The following NCOA1 variants were observed in gnomAD, a reference collection of about 807,000 sequenced individuals.
NCOA1 encodes the protein Hin-2 protein.
A neutral mutation model predicts 150.9 loss-of-function variants in NCOA1; 35 were observed. The ratio of observed to expected loss-of-function variants is 0.23; its 90% CI spans 0.18 to 0.31. The LOEUF (loss-of-function observed/expected upper bound fraction) is 0.31, where lower values mean the gene tolerates loss of function less well. NCOA1 is among the 10% of genes least tolerant of loss of function. The pLI is 1.00. For missense variants in NCOA1, 1,491 were observed against 1,749.3 expected (o/e 0.85, Z 2.63); for synonymous variants, 590 against 630.0 (o/e 0.94, Z 0.95).
At chr2:24,660,902 A>G (rs1278428038) in intron 5 of NCOA1, among the ~76,000 whole-genome samples, 2 of 147,552 alleles carry the variant, frequency 1.4e-5, no homozygotes, top group East Asian at 2.0e-4. Flanking sequence ...TCTATTTAAG[A>G]AAAAAAAAAA....
chr2:24,713,510 G>T (rs900852805), intron 14 of NCOA1, among the ~76,000 whole-genome samples: 1 of 152,134 alleles, frequency 6.6e-6, no homozygotes, highest in Non-Finnish European at 1.5e-5. Context: ...ATTTTCAAAG[G>T]TAATATTGGA....
intron 3 of NCOA1, among the ~76,000 whole-genome samples, chr2:24,637,022 C>G (rs983775418): frequency 6.6e-6 from 1 of 150,850 alleles, no homozygotes; most frequent in Non-Finnish European, 1.5e-5. Context: ...TTATTAATAG[C>G]GTATCCCTCA....
chr2:24,729,479 A>G (rs1662876492), intron 16 of NCOA1, 22 bp from the exon 17 acceptor site: 2 of 1,593,270 alleles, frequency 1.3e-6, no homozygotes, highest in African/African-American at 1.3e-5. Context: ...TTTGTAAAAT[A>G]TTCTGGCTTC....
chr2:24,571,100 T>C (rs1436354648), intron 2 of NCOA1, among the ~76,000 whole-genome samples: 1 of 152,106 alleles, frequency 6.6e-6, no homozygotes, highest in Non-Finnish European at 1.5e-5. Context: ...TAACGAAAGA[T>C]ATGCCTGGGC....
intron 20 of NCOA1, among the ~76,000 whole-genome samples, chr2:24,756,071 TA>T (rs369987098): frequency 0.013 from 1,434 of 108,136 alleles, 37 homozygotes; most frequent in African/African-American, 0.051. Flanking sequence ...CCATCTCTAC[TA>T]AAAAAAAAAA....
chr2:24,587,117 A>G (rs1028322913), intron 3 of NCOA1, among the ~76,000 whole-genome samples: 17 of 151,174 alleles, frequency 1.1e-4, no homozygotes, highest in African/African-American at 3.9e-4. Context: ...AAAAAAAAAG[A>G]AACTGGGAAC....
chr2:24,499,308 T>TA (rs909052790), intron 1 of NCOA1, among the ~76,000 whole-genome samples: 80 of 151,824 alleles, frequency 5.3e-4, no homozygotes, highest in African/African-American at 1.3e-3. Context: ...CCATCAACCT[T>TA]AAAAAAAAAT....
At chr2:24,546,624 G>T (rs1665615377) in intron 1 of NCOA1, among the ~76,000 whole-genome samples, 1 of 152,190 alleles carries the variant, frequency 6.6e-6, no homozygotes, top group African/African-American at 2.4e-5. Flanking sequence ...TTTGTAATTT[G>T]CTGATATCAC....
In NCOA1 at chr2:24,706,829, T is replaced by C. The variant is rs759382407; in HGVS notation, c.1359T>C (p.Val453=). The change falls in exon 13 of 23, where the codon GTT becomes GTC. Residue 453 remains valine (V), a synonymous_variant. Coordinates refer to ENST00000348332, the MANE Select transcript of NCOA1 (RefSeq NM_003743.5). The part of the protein sequence containing the change: ...CSPGSQIVAN[V]ALNQGQASSQ... ...CCGGAAGTCAGATTGTAGCCAATGT[T>C]GCCTTAAACCAAGGACAGGCCAGTT... is the stretch of plus-strand genomic sequence containing the variant. 6.2e-7 allele frequency: 1 copy of C among 1,614,200 alleles called. No homozygotes were observed. The highest frequency in any genetic ancestry group is 1.1e-5 in the South Asian group (1 of 91,076).
chr2:24,631,382 A>T (rs1669702475), intron 3 of NCOA1, among the ~76,000 whole-genome samples: 1 of 152,174 alleles, frequency 6.6e-6, no homozygotes, highest in Admixed American at 6.5e-5. Context: ...GCCACGTTAT[A>T]ATAATCTTGA....
chr2:24,570,111 G>A (rs1463454409), intron 2 of NCOA1, among the ~76,000 whole-genome samples: 3 of 144,560 alleles, frequency 2.1e-5, no homozygotes, highest in Non-Finnish European at 4.5e-5. Context: ...TCAGTGAGAA[G>A]TCTTGCTATA....
chr2:24,696,876 T>TTA (rs149575496), intron 10 of NCOA1, among the ~76,000 whole-genome samples: 252 of 151,276 alleles, frequency 1.7e-3, no homozygotes, highest in Non-Finnish European at 2.0e-3. Flanking sequence ...AATTCTTAAT[T>TTA]TATATATATA....
chr2:24,516,413 CG>C (rs1558757818), intron 1 of NCOA1, among the ~76,000 whole-genome samples: 1 of 151,258 alleles, frequency 6.6e-6, no homozygotes, highest in African/African-American at 2.4e-5. Context: ...AGGATGGTCT[CG>C]ATCTCCTGAT....
chr2:24,658,732 A>T lies in NCOA1; in HGVS notation c.55A>T (p.Arg19Trp). ...SDPANPDSHK[R>W]KGSPCDTLAS... ...CCCTGCTAACCCAGACTCACATAAG[A>T]GGAAAGGATCGCCATGTGACACACT... The change falls in exon 5 of 23, where the codon AGG becomes TGG. Residue 19 changes from arginine (R) to tryptophan (W), a missense_variant. By Grantham distance (101) the Arg-to-Trp change is moderately radical (BLOSUM62 -3). Transcript: ENST00000348332. The T allele has an allele frequency of 6.2e-7, 1 of 1,614,070 alleles. No homozygotes were observed. The highest frequency in any genetic ancestry group is 1.7e-4 in the Middle Eastern group (1 of 6,060).
At chr2:24,514,656 G>C (rs1156281146) in intron 1 of NCOA1, among the ~76,000 whole-genome samples, 1 of 151,638 alleles carries the variant, frequency 6.6e-6, no homozygotes, top group Non-Finnish European at 1.5e-5. Context: ...ACGAAAACTA[G>C]CCGATTGTGT....
intron 8 of NCOA1, among the ~76,000 whole-genome samples, chr2:24,685,372 ATATACT>A (rs1444344627): frequency 6.6e-6 from 1 of 152,224 alleles, no homozygotes; most frequent in African/African-American, 2.4e-5. Context: ...GTATACATGG[ATATACT>A]TATACTTGCA....
chr2:24,707,554 A>G lies in NCOA1; in HGVS notation c.2084A>G (p.Gln695Arg), dbSNP rs1558304080. ...ERHKILHRLL[Q>R]EGSPSDITTL... ...CATAAAATTCTACACCGGCTCTTAC[A>G]GGAGGGTAGCCCCTCAGATATCACC... Residue 695 changes from glutamine to arginine, a missense_variant, in exon 13 of 23, where the codon CAG becomes CGG. Gln to Arg is a conservative substitution (Grantham distance 43, BLOSUM62 1). Transcript: ENST00000348332. The G allele has an allele frequency of 6.2e-7, 1 of 1,614,186 alleles. No homozygotes were observed.
chr2:24,540,480 C>T (rs913160801), intron 1 of NCOA1, among the ~76,000 whole-genome samples: 15 of 144,688 alleles, frequency 1.0e-4, no homozygotes, highest in East Asian at 6.1e-4. Context: ...TTTTTTGAGA[C>T]GGAGTTTCGC....
intron 4 of NCOA1, among the ~76,000 whole-genome samples, chr2:24,653,423 A>G (rs1670792681): frequency 6.6e-6 from 1 of 152,192 alleles, no homozygotes; most frequent in Admixed American, 6.5e-5. Context: ...ATGTTTCTCA[A>G]TTATAAGAAA....
Sources: gnomAD v4.1 joint callset for allele counts (sites outside exome capture counted in the v4.1 genomes callset) on GRCh38, gnomAD v4.1.1 for gene constraint, MANE v1.5 for transcripts, NCBI Gene and HGNC (gene_info 2026-07-23, HGNC 2026-07-21) for gene names.